Variants in KIAA0825 observed in about 807,000 individuals in gnomAD.
KIAA0825 encodes the protein KIAA0825.
A neutral mutation model predicts 147.6 loss-of-function variants in KIAA0825; 119 were observed. The observed-to-expected ratio is 0.81, with a 90% CI of 0.69 to 0.94. KIAA0825 has a LOEUF of 0.94. Among genes scored for constraint, KIAA0825 ranks in the 40% least tolerant of loss-of-function variants. KIAA0825 has a pLI of 0.00. For missense variants in KIAA0825, 1,381 were observed against 1,472.7 expected (o/e 0.94, Z 1.02); for synonymous variants, 470 against 518.1 (o/e 0.91, Z 1.26).
chr5:94,213,616 C>T (rs1000466425), intron 20 of KIAA0825, among the ~76,000 whole-genome samples: 4 of 152,200 alleles, frequency 2.6e-5, no homozygotes, highest in Non-Finnish European at 5.9e-5. Context: ...CTTAGCCCTT[C>T]GACTTTGACT....
At chr5:94,558,304 T>C (rs778749296) in intron 2 of KIAA0825, among the ~76,000 whole-genome samples, 2 of 152,180 alleles carry the variant, frequency 1.3e-5, no homozygotes, top group Non-Finnish European at 2.9e-5. Context: ...CACTTAGATG[T>C]ATACTAAATG....
chr5:94,372,800 C>A (rs1746920096), intron 20 of KIAA0825, among the ~76,000 whole-genome samples: 1 of 152,194 alleles, frequency 6.6e-6, no homozygotes, highest in Non-Finnish European at 1.5e-5. Flanking sequence ...TAAATTCTCC[C>A]CAGAAAATGG....
intron 5 of KIAA0825, among the ~76,000 whole-genome samples, chr5:94,518,840 A>G (rs932410178): frequency 4.0e-5 from 6 of 151,898 alleles, no homozygotes; most frequent in African/African-American, 1.5e-4. Context: ...AACCCTAAAG[A>G]CTCCATAGCA....
At chr5:94,227,541 GGA>G (rs1774306869) in intron 20 of KIAA0825, among the ~76,000 whole-genome samples, 1 of 149,574 alleles carries the variant, frequency 6.7e-6, no homozygotes, top group East Asian at 2.0e-4. Context: ...AAAACTTAAA[GGA>G]TAATAATAAT....
chr5:94,448,551 A>C (rs975072253), intron 13 of KIAA0825, among the ~76,000 whole-genome samples: 2 of 152,170 alleles, frequency 1.3e-5, no homozygotes, highest in Non-Finnish European at 1.5e-5. Flanking sequence ...GGTACAAATA[A>C]GTAAGCAAAT....
intron 5 of KIAA0825, among the ~76,000 whole-genome samples, chr5:94,488,561 A>G (rs1763337684): frequency 6.6e-6 from 1 of 152,094 alleles, no homozygotes. Flanking sequence ...TTTTCTTTAT[A>G]TATAATTTTA....
Position 94,583,108 on chromosome 5 carries a change from G to A in KIAA0825, c.-152-525C>T, listed in dbSNP as rs140422164. Among the ~76,000 whole-genome samples the A allele has an allele frequency of 2.0e-3, 312 of 152,212 alleles. 5 individuals carry two copies. The highest frequency in any genetic ancestry group is 0.014 in the Middle Eastern group (4 of 294). On this transcript the variant is annotated intron_variant, in intron 1 of 20. Transcript: ENST00000682413. ...GTCTACAGCTCCCAGCGAGATCGAC[G>A]CATAAGACGGGTGATTTCTGCATTT... is the stretch of plus-strand genomic sequence containing the variant.
At chr5:94,519,962 C>G (rs1037563417) in intron 5 of KIAA0825, 52 of 1,015,994 alleles carry the variant, frequency 5.1e-5, no homozygotes, top group Non-Finnish European at 5.4e-5. Flanking sequence ...CACACAGTTT[C>G]ACAAATACTG....
chr5:94,490,791 G>A (rs552119053), intron 5 of KIAA0825, among the ~76,000 whole-genome samples: 4 of 152,160 alleles, frequency 2.6e-5, no homozygotes, highest in South Asian at 2.1e-4. Flanking sequence ...ACACTTAAAG[G>A]TGTTAAATGT....
intron 20 of KIAA0825, among the ~76,000 whole-genome samples, chr5:94,232,655 G>A (rs1483082583): frequency 6.6e-6 from 1 of 152,016 alleles, no homozygotes; most frequent in Admixed American, 6.5e-5. Flanking sequence ...GTGACTTTTA[G>A]GGTAGACACT....
intron 20 of KIAA0825, among the ~76,000 whole-genome samples, chr5:94,220,403 G>A (rs1773577306): frequency 6.6e-6 from 1 of 152,038 alleles, no homozygotes; most frequent in Admixed American, 6.6e-5. Flanking sequence ...AACAATGAAA[G>A]TAGAGTGAAG....
chr5:94,195,122 T>C (rs1771014307), intron 20 of KIAA0825, among the ~76,000 whole-genome samples: 1 of 152,222 alleles, frequency 6.6e-6, no homozygotes, highest in Non-Finnish European at 1.5e-5. Context: ...TAACAATCTC[T>C]GTACTCCCCG....
intron 3 of KIAA0825, among the ~76,000 whole-genome samples, chr5:94,530,469 T>C (rs1017297522): frequency 6.6e-6 from 1 of 151,898 alleles, no homozygotes; most frequent in East Asian, 2.0e-4. Context: ...GTCCTTAAAG[T>C]AGAAAATAAA....
At chr5:94,191,187 A>C (rs1488291436) in intron 20 of KIAA0825, among the ~76,000 whole-genome samples, 1 of 152,156 alleles carries the variant, frequency 6.6e-6, no homozygotes, top group Non-Finnish European at 1.5e-5. Flanking sequence ...ATGTAGAAAA[A>C]TTGTATTACC....
intron 1 of KIAA0825, among the ~76,000 whole-genome samples, chr5:94,597,485 A>G (rs73132701): frequency 0.073 from 11,113 of 152,226 alleles, 453 homozygotes; most frequent in South Asian, 0.11. Context: ...AAAAAACACA[A>G]TATTACACAT....
intron 20 of KIAA0825, among the ~76,000 whole-genome samples, chr5:94,343,336 T>A (rs1782634674): frequency 6.6e-6 from 1 of 152,080 alleles, no homozygotes; most frequent in African/African-American, 2.4e-5. Context: ...AGGAAGGTTG[T>A]CTTATAAATC....
intron 20 of KIAA0825, among the ~76,000 whole-genome samples, chr5:94,240,204 A>G (rs1261120471): frequency 3.3e-5 from 5 of 152,224 alleles, no homozygotes; most frequent in Non-Finnish European, 7.3e-5. Flanking sequence ...GCTAACCCAT[A>G]TTAAGGTCAC....
intron 16 of KIAA0825, among the ~76,000 whole-genome samples, chr5:94,398,146 A>G (rs1235576566): frequency 6.6e-6 from 1 of 152,110 alleles, no homozygotes; most frequent in Admixed American, 6.6e-5. Context: ...TTACTGACCT[A>G]CTTCAAGCCC....
rs142404978 is a variant in KIAA0825 at position 94,322,061 on chromosome 5, T to C, written c.3710+62307A>G. On this transcript the variant is annotated intron_variant, in intron 20 of 20. Transcript: ENST00000682413. ...CAAGAGGCAAGTTAATGATGAATCA[T>C]GTGTTTTTAGGGTCCTTAAAACTAA... Among the ~76,000 whole-genome samples the C allele has an allele frequency of 2.2e-3, 342 of 152,140 alleles. 1 individual carries two copies. The highest frequency in any genetic ancestry group is 7.8e-3 in the African/African-American group (325 of 41,564).
Sources: gnomAD v4.1 joint callset for allele counts (sites outside exome capture counted in the v4.1 genomes callset) on GRCh38, gnomAD v4.1.1 for gene constraint, MANE v1.5 for transcripts, NCBI Gene and HGNC (gene_info 2026-07-23, HGNC 2026-07-21) for gene names.